Variants in NFIA observed in about 807,000 individuals in gnomAD.
NFIA encodes the protein nuclear factor 1 A-type.
NFIA carries 8 observed loss-of-function variants against 62.8 expected under a neutral mutation model. The observed-to-expected ratio is 0.13, with a 90% CI of 0.07 to 0.23. NFIA has a LOEUF of 0.23. Ranked by LOEUF, NFIA falls within the 10% of genes least tolerant of loss-of-function variation. The pLI is 1.00. For missense variants in NFIA, 410 were observed against 642.1 expected (o/e 0.64, Z 3.91); for synonymous variants, 235 against 238.1 (o/e 0.99, Z 0.12).
intron 2 of NFIA, among the ~76,000 whole-genome samples, chr1:61,094,630 T>C (rs1355795975): frequency 1.3e-5 from 2 of 152,136 alleles, no homozygotes; most frequent in African/African-American, 4.8e-5. Flanking sequence ...CAGTTCAGAG[T>C]ATTGTCAAAT....
rs1214750378 is a variant in NFIA, at chr1:61,459,740, G to A, written c.*4420G>A. The A allele has an allele frequency of 6.6e-6, 1 of 152,214 alleles. No individual in the cohort carries two copies. 9.4% of individuals were successfully genotyped at this position (152,214 alleles called of 1,614,324 possible). On this transcript the variant is annotated 3_prime_UTR_variant, in exon 11 of 11. Coordinates refer to ENST00000403491, the MANE Select transcript of NFIA (RefSeq NM_001134673.4). Reference sequence around the variant, plus strand: ...TTTTTCCAAGCCCTTAGCCCCATAAGCTTTGAATCCTGTAGTTACAGTGGC... The same window carrying A: ...TTTTTCCAAGCCCTTAGCCCCATAAACTTTGAATCCTGTAGTTACAGTGGC...
At chr1:61,112,397 TATG>T (rs1310655019) in intron 2 of NFIA, among the ~76,000 whole-genome samples, 1 of 152,082 alleles carries the variant, frequency 6.6e-6, no homozygotes, top group Non-Finnish European at 1.5e-5. Flanking sequence ...TACTAGGTGT[TATG>T]ATGAAGGTGT....
intron 2 of NFIA, among the ~76,000 whole-genome samples, chr1:61,114,137 T>C (rs1439838103): frequency 6.6e-6 from 1 of 152,184 alleles, no homozygotes; most frequent in Non-Finnish European, 1.5e-5. Context: ...AAGAGCACTT[T>C]TGAGATAATA....
intron 2 of NFIA, among the ~76,000 whole-genome samples, chr1:61,093,359 T>C (rs765970830): frequency 3.9e-5 from 6 of 152,088 alleles, no homozygotes; most frequent in South Asian, 4.1e-4. Flanking sequence ...ATACACAATA[T>C]ACACTGTATA....
chr1:61,219,679 C>A (rs1441476145), intron 2 of NFIA, among the ~76,000 whole-genome samples: 15 of 143,422 alleles, frequency 1.0e-4, no homozygotes, highest in Admixed American at 2.8e-4. Flanking sequence ...GCGCCATTGC[C>A]CTCCATCCTG....
intron 6 of NFIA, among the ~76,000 whole-genome samples, chr1:61,374,325 A>G (rs1348156194): frequency 1.3e-5 from 2 of 151,824 alleles, no homozygotes; most frequent in Non-Finnish European, 2.9e-5. Context: ...TCCTGAACAC[A>G]TGGGGGGATG....
chr1:61,235,034 A>C (rs1654907681), intron 2 of NFIA, among the ~76,000 whole-genome samples: 1 of 152,116 alleles, frequency 6.6e-6, no homozygotes, highest in African/African-American at 2.4e-5. Flanking sequence ...CCCTTTTAAG[A>C]CTTTTTTCTT....
intron 3 of NFIA, among the ~76,000 whole-genome samples, chr1:61,288,676 A>C (rs1217741441): frequency 6.6e-6 from 1 of 152,182 alleles, no homozygotes; most frequent in African/African-American, 2.4e-5. Flanking sequence ...ATACCTATCA[A>C]ATATAAAGGG....
At chr1:61,309,265 C>T (rs1212915323) in intron 3 of NFIA, among the ~76,000 whole-genome samples, 1 of 151,980 alleles carries the variant, frequency 6.6e-6, no homozygotes, top group East Asian at 1.9e-4. Context: ...GACGTGTGTC[C>T]TACGAATCTT....
intron 6 of NFIA, among the ~76,000 whole-genome samples, chr1:61,360,682 G>A (rs894594776): frequency 1.3e-5 from 2 of 152,108 alleles, no homozygotes; most frequent in African/African-American, 4.8e-5. Flanking sequence ...GACTATAAAG[G>A]TGTAGCACGG....
upstream of NFIA, among the ~76,000 whole-genome samples, chr1:61,079,500 A>G (rs12130085): frequency 0.084 from 12,855 of 152,278 alleles, 612 homozygotes; most frequent in Non-Finnish European, 0.1. Flanking sequence ...TGTGCCAGGA[A>G]GAATATGGAT....
intron 3 of NFIA, among the ~76,000 whole-genome samples, chr1:61,307,470 C>T (rs896390301): frequency 6.6e-6 from 1 of 152,148 alleles, no homozygotes; most frequent in Non-Finnish European, 1.5e-5. Context: ...TATGGTGTTT[C>T]GTTACAGCAG....
chr1:61,342,842 T>C (rs1316320530), intron 4 of NFIA, among the ~76,000 whole-genome samples: 1 of 152,242 alleles, frequency 6.6e-6, no homozygotes, highest in East Asian at 1.9e-4. Flanking sequence ...TTCAAGCCCT[T>C]CTTCTGTCAC....
At chr1:61,402,423 T>G (rs902192809) in intron 7 of NFIA, among the ~76,000 whole-genome samples, 10 of 152,162 alleles carry the variant, frequency 6.6e-5, no homozygotes, top group African/African-American at 2.4e-4. Context: ...TATTCTATGT[T>G]TAACGGTATG....
intron 2 of NFIA, among the ~76,000 whole-genome samples, chr1:61,210,164 G>A (rs1328937501): frequency 6.6e-6 from 1 of 152,114 alleles, no homozygotes; most frequent in Non-Finnish European, 1.5e-5. Context: ...AATACCTTTG[G>A]GTTCCTTAGC....
intron 2 of NFIA, among the ~76,000 whole-genome samples, chr1:61,218,869 C>A (rs576805103): frequency 6.6e-6 from 1 of 152,130 alleles, no homozygotes; most frequent in Admixed American, 6.5e-5. Context: ...ACTTATAGAT[C>A]ATCTTTGTAA....
intron 2 of NFIA, among the ~76,000 whole-genome samples, chr1:61,102,640 A>G (rs1205058391): frequency 6.6e-6 from 1 of 152,186 alleles, no homozygotes; most frequent in Admixed American, 6.5e-5. Context: ...CTTCAATAAT[A>G]CTATATATTT....
At chr1:61,441,800 G>A (rs1357117478) in intron 10 of NFIA, among the ~76,000 whole-genome samples, 2 of 151,942 alleles carry the variant, frequency 1.3e-5, no homozygotes, top group Non-Finnish European at 2.9e-5. Flanking sequence ...ATTTAGCTAG[G>A]GCCATGCTGT....
intron 2 of NFIA, among the ~76,000 whole-genome samples, chr1:61,212,334 G>A (rs576183785): frequency 7.1e-4 from 108 of 152,214 alleles, no homozygotes; most frequent in African/African-American, 2.3e-3. Flanking sequence ...TTTACTCCAA[G>A]GACAGTGTAA....
Sources: gnomAD v4.1 joint callset for allele counts (sites outside exome capture counted in the v4.1 genomes callset) on GRCh38, gnomAD v4.1.1 for gene constraint, MANE v1.5 for transcripts, NCBI Gene and HGNC (gene_info 2026-07-23, HGNC 2026-07-21) for gene names.